The following PACS1 variants were observed in gnomAD, a reference collection of about 807,000 sequenced individuals.
The protein encoded by PACS1 is PACS-1.
PACS1 carries 24 observed loss-of-function variants against 115.0 expected under a neutral mutation model. The ratio of observed to expected loss-of-function variants is 0.21; its 90% CI spans 0.15 to 0.29. PACS1 has a LOEUF of 0.29. Ranked by LOEUF, PACS1 falls within the 10% of genes least tolerant of loss-of-function variation. The pLI, the probability that PACS1 is intolerant of heterozygous loss-of-function variation, is 1.00. For missense variants in PACS1, 838 were observed against 1,251.2 expected (o/e 0.67, Z 4.98); for synonymous variants, 453 against 504.5 (o/e 0.90, Z 1.37).
intron 1 of PACS1, among the ~76,000 whole-genome samples, chr11:66,087,775 A>G (rs1590734916): frequency 1.3e-5 from 2 of 152,254 alleles, no homozygotes; most frequent in South Asian, 2.1e-4. Context: ...AGACCAAAGC[A>G]CTCATTTCTC....
At chr11:66,129,562 G>A (rs1447981443) in intron 1 of PACS1, among the ~76,000 whole-genome samples, 2 of 151,574 alleles carry the variant, frequency 1.3e-5, no homozygotes, top group East Asian at 3.9e-4. Flanking sequence ...TCCACCCTCA[G>A]CCTCCCAAAG....
intron 1 of PACS1, among the ~76,000 whole-genome samples, chr11:66,073,106 T>C (rs1466848255): frequency 3.3e-5 from 5 of 152,254 alleles, no homozygotes; most frequent in African/African-American, 1.2e-4. Context: ...TTGTCCACTG[T>C]CCTGCTCCGA....
intron 16 of PACS1, 67 bp downstream of exon 16, chr11:66,234,006 A>G: frequency 1.3e-6 from 2 of 1,571,702 alleles, no homozygotes; most frequent in Non-Finnish European, 1.7e-6. Context: ...CTCATCTGGA[A>G]CAGGACGGTG....
At chr11:66,219,088 G>A (rs185968452) in intron 7 of PACS1, among the ~76,000 whole-genome samples, 12 of 152,162 alleles carry the variant, frequency 7.9e-5, no homozygotes, top group African/African-American at 2.4e-4. Context: ...GTTTGCACTC[G>A]GAAGGACCAC....
At chr11:66,222,406 G>C (rs1035568864) in intron 10 of PACS1, among the ~76,000 whole-genome samples, 1 of 152,162 alleles carries the variant, frequency 6.6e-6, no homozygotes, top group Non-Finnish European at 1.5e-5. Context: ...CCGGAGCCAC[G>C]ACCTGGGCCT....
intron 11 of PACS1, among the ~76,000 whole-genome samples, chr11:66,229,919 T>A (rs1025853314): frequency 2.7e-5 from 4 of 149,942 alleles, no homozygotes; most frequent in Admixed American, 2.6e-4. Context: ...ATTGTGCCAC[T>A]GCGCTCCAAC....
chr11:66,189,844 T>G (rs1854476768), intron 1 of PACS1, among the ~76,000 whole-genome samples: 1 of 152,200 alleles, frequency 6.6e-6, no homozygotes, highest in African/African-American at 2.4e-5. Flanking sequence ...ACACATTGAG[T>G]TATCCTCGTC....
At chr11:66,102,374 G>T (rs546316755) in intron 1 of PACS1, among the ~76,000 whole-genome samples, 1 of 151,822 alleles carries the variant, frequency 6.6e-6, no homozygotes, top group East Asian at 1.9e-4. Flanking sequence ...ACCCAGGCTG[G>T]AGGGCAGTGG....
chr11:66,234,274 C>G (rs773135488), intron 17 of PACS1, 32 bp downstream of exon 17: 5 of 1,459,882 alleles, frequency 3.4e-6, no homozygotes, highest in Non-Finnish European at 1.9e-6. Context: ...CTTACTCCCA[C>G]CCCCGGGGTC....
chr11:66,138,084 G>GTTTATTTATTTATTTATTTATTTA (rs56348908), intron 1 of PACS1, among the ~76,000 whole-genome samples: 1 of 149,404 alleles, frequency 6.7e-6, no homozygotes, highest in African/African-American at 2.5e-5. Flanking sequence ...ATTTTGCCCC[G>GTTTATTTATTTATTTATTTATTTA]TTTATTTATT....
At chr11:66,230,356 G>A (rs1309664591) in intron 11 of PACS1, 192 bp from the exon 12 acceptor site, 9 of 591,704 alleles carry the variant, frequency 1.5e-5, no homozygotes, top group East Asian at 1.1e-4. Context: ...CACACGGGGT[G>A]TACTCAGTCA....
At chr11:66,143,341 G>T (rs1032946980) in intron 1 of PACS1, among the ~76,000 whole-genome samples, 2 of 152,118 alleles carry the variant, frequency 1.3e-5, no homozygotes, top group African/African-American at 4.8e-5. Flanking sequence ...GAGCACTTTG[G>T]AGGCTGCAGT....
intron 1 of PACS1, among the ~76,000 whole-genome samples, chr11:66,153,970 T>C (rs1271014392): frequency 6.6e-6 from 1 of 152,110 alleles, no homozygotes; most frequent in Non-Finnish European, 1.5e-5. Context: ...AAAAAGATTA[T>C]ACCATGAAAA....
chr11:66,134,254 CTTTTTT>C (rs1162472902), intron 1 of PACS1, among the ~76,000 whole-genome samples: 7 of 75,062 alleles, frequency 9.3e-5, no homozygotes, highest in Admixed American at 2.4e-4. Context: ...TTTTCTTTTT[CTTTTTT>C]TTTTTTTTTT....
chr11:66,183,420 G>T (rs1315014716), intron 1 of PACS1, among the ~76,000 whole-genome samples: 2 of 152,176 alleles, frequency 1.3e-5, no homozygotes, highest in Non-Finnish European at 2.9e-5. Context: ...AATAAATGCT[G>T]TTAAGGGAAG....
chr11:66,176,977 T>C (rs1279626469), intron 1 of PACS1, among the ~76,000 whole-genome samples: 2 of 152,196 alleles, frequency 1.3e-5, no homozygotes, highest in African/African-American at 2.4e-5. Context: ...CTCACTAGAC[T>C]GAGGATGCTC....
intron 1 of PACS1, among the ~76,000 whole-genome samples, chr11:66,140,404 C>G (rs1338228116): frequency 2.0e-5 from 3 of 152,150 alleles, no homozygotes; most frequent in African/African-American, 7.2e-5. Context: ...TTTGTATCCG[C>G]GTGACCTGCC....
rs751067567 is a variant in PACS1 at position 66,216,741 on chromosome 11, G to A, written c.944G>A (p.Arg315Gln). The A allele has an allele frequency of 9.3e-6, 15 of 1,613,810 alleles. No individual in the cohort carries two copies. Among genetic ancestry groups the A allele is most frequent in the Admixed American group, 3.3e-5 (2 of 59,982 alleles). Residue 315 changes from arginine (R) to glutamine (Q), a missense_variant, in exon 7 of 24, where the codon CGG becomes CAG. Coordinates refer to ENST00000320580, the MANE Select transcript of PACS1 (RefSeq NM_018026.4). ...DEDLRKVKKT[R>Q]RKLTSTSAIT... ...GATCTCCGGAAAGTGAAGAAGACCC[G>A]GAGGAAACTAACCTCAACCTCTGCC...
At chr11:66,138,486 C>T (rs777056709) in intron 1 of PACS1, among the ~76,000 whole-genome samples, 1 of 152,104 alleles carries the variant, frequency 6.6e-6, no homozygotes, top group Non-Finnish European at 1.5e-5. Context: ...ACATGCCCCA[C>T]GAAGTGTGTG....
Sources: allele counts gnomAD v4.1 joint callset (sites outside exome capture counted in the v4.1 genomes callset), GRCh38; gene constraint gnomAD v4.1.1; transcripts MANE v1.5; gene names NCBI Gene and HGNC (gene_info 2026-07-23, HGNC 2026-07-21).